Variants in NCALD observed in about 807,000 individuals in gnomAD.
NCALD encodes neurocalcin delta, also known as neurocalcin-delta.
NCALD carries 10 observed loss-of-function variants against 18.6 expected under a neutral mutation model. The observed-to-expected ratio is 0.54, with a 90% CI of 0.33 to 0.91. NCALD has a LOEUF of 0.91. Ranked by LOEUF, NCALD falls within the 40% of genes least tolerant of loss-of-function variation. The pLI is 0.03. For synonymous variants in NCALD, 88 were observed against 87.4 expected (o/e 1.01, Z -0.04); for missense variants, 184 against 247.6 (o/e 0.74, Z 1.72).
intron 1 of NCALD, among the ~76,000 whole-genome samples, chr8:101,743,904 G>C (rs978264149): frequency 6.6e-6 from 1 of 152,162 alleles, no homozygotes; most frequent in East Asian, 1.9e-4. Flanking sequence ...GGATCCCTTC[G>C]GGCCAAGGCT....
intron 2 of NCALD, among the ~76,000 whole-genome samples, chr8:101,945,283 C>T (rs1282423787): frequency 6.6e-6 from 1 of 152,096 alleles, no homozygotes; most frequent in African/African-American, 2.4e-5. Flanking sequence ...GATAGAAGAT[C>T]AAAATAGACA....
chr8:102,073,840 C>T (rs1404863482), intron 1 of NCALD, among the ~76,000 whole-genome samples: 1 of 152,150 alleles, frequency 6.6e-6, no homozygotes, highest in South Asian at 2.1e-4. Context: ...ATTTCAACAG[C>T]GACTGGTTGA....
chr8:101,988,291 C>T (rs969158391), intron 2 of NCALD, among the ~76,000 whole-genome samples: 3 of 151,660 alleles, frequency 2.0e-5, no homozygotes, highest in Admixed American at 6.6e-5. Context: ...GTGTTATATA[C>T]GTAATATACA....
intron 4 of NCALD, among the ~76,000 whole-genome samples, chr8:101,857,761 T>C (rs1246988145): frequency 1.3e-5 from 2 of 152,168 alleles, no homozygotes; most frequent in East Asian, 3.9e-4. Flanking sequence ...AAATTATAAG[T>C]TAATTAAATT....
chr8:101,721,165 T>C (rs1171069605), intron 1 of NCALD: 1 of 6,026 alleles, frequency 1.7e-4, no homozygotes, highest in African/African-American at 4.1e-4. Context: ...TTTTCGTCTA[T>C]TGGAAAAAAA....
chr8:101,834,407 C>A (rs145902869), intron 4 of NCALD, among the ~76,000 whole-genome samples: 1,681 of 152,336 alleles, frequency 0.011, 17 homozygotes, highest in Middle Eastern at 0.037. Context: ...TTTCCACTGG[C>A]GACTCAGCTA....
intron 4 of NCALD, chr8:101,872,563 G>A (rs559531570): frequency 2.9e-5 from 18 of 623,998 alleles, no homozygotes; most frequent in African/African-American, 2.6e-4. Flanking sequence ...GTTTCCAATC[G>A]CTCAAGCCAA....
intron 4 of NCALD, among the ~76,000 whole-genome samples, chr8:101,885,458 C>A (rs942306186): frequency 5.3e-5 from 8 of 152,170 alleles, no homozygotes; most frequent in Admixed American, 5.2e-4. Flanking sequence ...GTTGAAGAAG[C>A]CATCCTCTTC....
chr8:101,993,487 G>A (rs895318182), intron 2 of NCALD, among the ~76,000 whole-genome samples: 7 of 152,178 alleles, frequency 4.6e-5, no homozygotes, highest in Admixed American at 4.6e-4. Flanking sequence ...TTCAGTCTTT[G>A]GCTTTTGGAC....
chr8:102,011,872 C>A (rs1821914054), intron 2 of NCALD, among the ~76,000 whole-genome samples: 2 of 152,146 alleles, frequency 1.3e-5, no homozygotes, highest in African/African-American at 4.8e-5. Context: ...ATATGAGAAA[C>A]CACATTTAAA....
chr8:101,954,457 T>G (rs112754410), intron 2 of NCALD, among the ~76,000 whole-genome samples: 2 of 152,162 alleles, frequency 1.3e-5, no homozygotes, highest in Admixed American at 6.5e-5. Context: ...CCTCTCATAC[T>G]TCTCCCCTCT....
intron 3 of NCALD, chr8:101,690,571 G>A (rs1216657799): frequency 1.0e-6 from 1 of 985,242 alleles, no homozygotes; most frequent in African/African-American, 1.7e-5. Flanking sequence ...ACAGGAGGGG[G>A]CCTCCCCCAA....
At chr8:101,849,893 C>T (rs919041628) in intron 4 of NCALD, among the ~76,000 whole-genome samples, 3 of 152,190 alleles carry the variant, frequency 2.0e-5, no homozygotes, top group Non-Finnish European at 4.4e-5. Context: ...GGGCCCTTCC[C>T]TGTGTTTCCC....
At chr8:101,984,580 CCAT>C (rs1820734721) in intron 2 of NCALD, among the ~76,000 whole-genome samples, 1 of 152,194 alleles carries the variant, frequency 6.6e-6, no homozygotes, top group Non-Finnish European at 1.5e-5. Context: ...CACGTTCTTT[CCAT>C]CAGCAGAGAG....
At chr8:101,932,490 A>G (rs555061364) in intron 2 of NCALD, among the ~76,000 whole-genome samples, 1 of 152,226 alleles carries the variant, frequency 6.6e-6, no homozygotes, top group African/African-American at 2.4e-5. Context: ...CTTCTGCTTC[A>G]GGGTGTGTGT....
chr8:102,069,511 G>A (rs1013527350), intron 1 of NCALD, among the ~76,000 whole-genome samples: 2 of 152,118 alleles, frequency 1.3e-5, no homozygotes, highest in Non-Finnish European at 2.9e-5. Context: ...TTGAGTCCTA[G>A]AATTCCACTC....
intron 2 of NCALD, among the ~76,000 whole-genome samples, chr8:101,955,792 A>C (rs1819600619): frequency 6.6e-6 from 1 of 152,214 alleles, no homozygotes; most frequent in African/African-American, 2.4e-5. Context: ...TATTGAGACA[A>C]TTGACAAAAT....
intron 4 of NCALD, among the ~76,000 whole-genome samples, chr8:101,838,394 G>C (rs1814501274): frequency 6.6e-6 from 1 of 152,048 alleles, no homozygotes; most frequent in Non-Finnish European, 1.5e-5. Context: ...GCTAATTTTT[G>C]TATTTTTAGT....
At chr8:101,860,782 T>C (rs1043563098) in intron 4 of NCALD, among the ~76,000 whole-genome samples, 1 of 152,124 alleles carries the variant, frequency 6.6e-6, no homozygotes, top group African/African-American at 2.4e-5. Context: ...TAAATCATCA[T>C]CTTACACTAT....
Sources: allele counts gnomAD v4.1 joint callset (sites outside exome capture counted in the v4.1 genomes callset), GRCh38; gene constraint gnomAD v4.1.1; transcripts MANE v1.5; gene names NCBI Gene and HGNC (gene_info 2026-07-23, HGNC 2026-07-21).